Variants in MIDEAS observed in about 807,000 individuals in gnomAD.
MIDEAS encodes the protein mitotic deacetylase associated SANT domain protein, also known as mitotic deacetylase-associated SANT domain protein.
In MIDEAS, 26 loss-of-function variants were observed where a neutral mutation model predicts 102.7. The ratio of observed to expected loss-of-function variants is 0.25; its 90% CI spans 0.19 to 0.35. The LOEUF (loss-of-function observed/expected upper bound fraction) is 0.35. Among genes scored for constraint, MIDEAS ranks in the 10% least tolerant of loss-of-function variants. The pLI, the probability that MIDEAS is intolerant of heterozygous loss-of-function variation, is 1.00. For missense variants in MIDEAS, 1,231 were observed against 1,435.6 expected (o/e 0.86, Z 2.30); for synonymous variants, 585 against 591.0 (o/e 0.99, Z 0.15).
At position 73,725,261 on chromosome 14, in the gene MIDEAS, G is replaced by A. The variant is rs375694958; in HGVS notation, c.2574+11C>T. ...TGGCCCTCATTTGCCCTGAAACAGA[G>A]CCCAGCTCACCAGCTTCTGCACCAG... On this transcript the variant is annotated intron_variant, in intron 9 of 12. Transcript: ENST00000423556. This position sits in a 1 kb window ranked among gnomAD's most constrained non-coding sequence, Gnocchi z 4.1. 1,630 of 1,612,276 alleles carry A rather than the reference G, an allele frequency of 1.0e-3. No individual in the cohort carries two copies. Among genetic ancestry groups the A allele is most frequent in the Non-Finnish European group, 1.2e-3 (1,432 of 1,178,330 alleles).
At chr14:73,719,209 C>G in intron 12 of MIDEAS, 96 bp downstream of exon 12, 1 of 1,511,514 alleles carries the variant, frequency 6.6e-7, no homozygotes, top group Non-Finnish European at 8.8e-7. Flanking sequence ...AGGCGGACAC[C>G]GCCTGTACCT....
chr14:73,719,469 C>T lies in MIDEAS; in HGVS notation c.2970G>A (p.Glu990=), dbSNP rs756604241. ...ASDILILRSH[E]SNAPGSAGGQ... ...CACCGGCAGACCCAGGGGCGTTGGA[C>T]TCGTGGCTCCGGAGGATGAGGATGT... The change falls in exon 12 of 13, where the codon GAG becomes GAA. Residue 990 remains glutamate, a synonymous_variant. Transcript: ENST00000423556. 1 of 1,613,956 alleles carries T rather than the reference C, an allele frequency of 6.2e-7. No homozygotes were observed. The highest frequency in any genetic ancestry group is 8.5e-7 in the Non-Finnish European group (1 of 1,179,990).
chr14:73,782,698 G>A (rs893255091), intron 1 of MIDEAS, among the ~76,000 whole-genome samples: 5 of 152,190 alleles, frequency 3.3e-5, no homozygotes, highest in African/African-American at 1.2e-4. Context: ...AGAAGGTCAG[G>A]CCAACCCAAG....
rs1376080924 is a variant in MIDEAS, at chr14:73,718,795, G to C, written c.*48C>G. On this transcript the variant is annotated 3_prime_UTR_variant, in exon 13 of 13. Coordinates refer to ENST00000423556, the MANE Select transcript of MIDEAS (RefSeq NM_001367710.1). ...AGGGTGTCTGCGGGCGCTGGCGGCG[G>C]TGCGGGAAGGGCCGAGGCCCAGGAC... is the stretch of plus-strand genomic sequence containing the variant. The C allele has an allele frequency of 3.3e-5, 45 of 1,355,752 alleles. No individual in the cohort carries two copies. The Admixed American group carries it at 1.7e-3, about 51-fold the overall frequency. 84.0% of individuals were successfully genotyped at this position (1,355,752 alleles called of 1,614,324 possible). A position where few individuals can be genotyped will look rare whatever the true frequency, so the allele number is the denominator to read the frequency against.
In MIDEAS at chr14:73,721,351, G is replaced by A; in HGVS notation, c.2883C>T (p.Arg961=). ...CTTTGACTGCCGCTGCCCGCCTGCT[G>A]CGCTCTCGCCCCTCTTCCTGCTCCT... The part of the protein sequence containing the change: ...EKEEQEEGRE[R]SRRAAAVKAT... The change falls in exon 11 of 13, where the codon CGC becomes CGT. Residue 961 remains arginine, a synonymous_variant. Coordinates refer to ENST00000423556, the MANE Select transcript of MIDEAS (RefSeq NM_001367710.1). 2 of 1,614,044 alleles carry A rather than the reference G, an allele frequency of 1.2e-6. No homozygotes were observed. The highest frequency in any genetic ancestry group is 1.7e-6 in the Non-Finnish European group (2 of 1,180,024).
intron 1 of MIDEAS, among the ~76,000 whole-genome samples, chr14:73,770,313 T>A (rs1396717214): frequency 6.6e-6 from 1 of 152,080 alleles, no homozygotes; most frequent in Non-Finnish European, 1.5e-5. Context: ...TTCTGTTAAG[T>A]TGATCAAGAT....
Position 73,729,874 on chromosome 14 carries a change from G to A in MIDEAS, c.1861C>T (p.Pro621Ser). The A allele has an allele frequency of 4.3e-6, 7 of 1,613,612 alleles. No individual in the cohort carries two copies. Among genetic ancestry groups the A allele is most frequent in the East Asian group, 2.2e-5 (1 of 44,894 alleles). ...IPTKAGTFIA[P>S]PVYSNITPYQ... ...GGGGTGATGTTGGAGTAGACGGGAG[G>A]GGCGATGAAAGTGCCCGCCTTGGTG... The change falls in exon 4 of 13, where the codon CCT (proline) becomes TCT (serine). Residue 621 changes from proline to serine, a missense_variant. Pro to Ser is a moderately conservative substitution (Grantham distance 74). Transcript: ENST00000423556.
At chr14:73,723,108 G>A (rs1595252498) in intron 9 of MIDEAS, 1 of 315,008 alleles carries the variant, frequency 3.2e-6, no homozygotes, top group East Asian at 6.3e-5. Context: ...CTCGGGAGAT[G>A]GCAATATGGA....
Position 73,718,657 on chromosome 14 carries a change from C to A in MIDEAS, c.*186G>T. 3.7e-6 allele frequency: 2 copies of A among 541,824 alleles called. No individual in the cohort carries two copies. Among genetic ancestry groups the A allele is most frequent in the Non-Finnish European group, 5.8e-6 (2 of 347,722 alleles). 33.6% of individuals were successfully genotyped at this position (541,824 alleles called of 1,614,324 possible). On this transcript the variant is annotated 3_prime_UTR_variant, in exon 13 of 13. Transcript: ENST00000423556. Reference sequence around the variant, plus strand: ...GCAAAGAGAGCTGGATCCTGGAGCCCTTAACGCTGCTCCCAGGGCCTTCAT... The same window carrying A: ...GCAAAGAGAGCTGGATCCTGGAGCCATTAACGCTGCTCCCAGGGCCTTCAT...
rs374223068 is a variant in MIDEAS at position 73,725,437 on chromosome 14, A to C, written c.2486-77T>G. ...TGCAGGGCAATTTTGACAAGCAAAAAAGTGTGAGGCCATCCGCCCATGGTT... is the reference window on the plus strand; with the variant it reads ...TGCAGGGCAATTTTGACAAGCAAAACAGTGTGAGGCCATCCGCCCATGGTT... On this transcript the variant is annotated intron_variant, in intron 8 of 12. Coordinates refer to ENST00000423556, the MANE Select transcript of MIDEAS (RefSeq NM_001367710.1). This position sits in a 1 kb window ranked among gnomAD's most constrained non-coding sequence, Gnocchi z 4.1. The C allele has an allele frequency of 2.5e-4, 300 of 1,211,126 alleles. 1 individual carries two copies. The African/African-American group carries it at 4.0e-3, about 16-fold the overall frequency. The allele number at this position is 1,211,126 out of a possible 1,614,324, so 75.0% of individuals were successfully genotyped here.
intron 1 of MIDEAS, among the ~76,000 whole-genome samples, chr14:73,776,529 CAA>C (rs71460920): frequency 1.1e-3 from 127 of 113,180 alleles, no homozygotes; most frequent in East Asian, 2.2e-3. Context: ...GTTTAAATTA[CAA>C]AAAAAAAAAA....
chr14:73,739,483 C>T lies in MIDEAS; in HGVS notation c.526G>A (p.Asp176Asn), dbSNP rs765725846. ...KREKAGGPQL[D>N]RYVRPMMPQK... ...GGCATCATTGGTCGCACATAGCGGT[C>T]CAGCTGTGGGCCCCCCGCTTTCTCC... Residue 176 changes from aspartate to asparagine, a missense_variant, in exon 2 of 13, where the codon GAC becomes AAC. Physicochemically the swap from Asp to Asn is conservative, Grantham distance 23. Coordinates refer to ENST00000423556, the MANE Select transcript of MIDEAS (RefSeq NM_001367710.1). 20 of 1,610,888 alleles carry T rather than the reference C, an allele frequency of 1.2e-5. No homozygotes were observed. The highest frequency in any genetic ancestry group is 1.6e-5 in the Non-Finnish European group (19 of 1,178,180).
intron 1 of MIDEAS, among the ~76,000 whole-genome samples, chr14:73,779,151 C>G (rs1390425712): frequency 6.6e-6 from 1 of 151,882 alleles, no homozygotes; most frequent in East Asian, 1.9e-4. Flanking sequence ...CTTTGGGAGG[C>G]TGAGGCAGGT....
intron 1 of MIDEAS, among the ~76,000 whole-genome samples, chr14:73,767,018 C>T (rs2053597906): frequency 6.6e-6 from 1 of 151,846 alleles, no homozygotes; most frequent in African/African-American, 2.4e-5. Flanking sequence ...CCACACCCAG[C>T]TAATTTTTGT....
chr14:73,735,873 T>C (rs1280760902), intron 3 of MIDEAS, among the ~76,000 whole-genome samples: 9 of 152,206 alleles, frequency 5.9e-5, no homozygotes, highest in African/African-American at 1.7e-4. Flanking sequence ...AAAGTAAGAA[T>C]TGGCCGGGTG....
intron 1 of MIDEAS, among the ~76,000 whole-genome samples, chr14:73,772,588 T>G (rs1216905749): frequency 6.6e-6 from 1 of 151,116 alleles, no homozygotes; most frequent in Non-Finnish European, 1.5e-5. Context: ...TTTGGTTTTG[T>G]TTTTTTTTCT....
intron 1 of MIDEAS, among the ~76,000 whole-genome samples, chr14:73,748,904 C>A (rs2053386904): frequency 6.6e-6 from 1 of 152,018 alleles, no homozygotes; most frequent in South Asian, 2.1e-4. Flanking sequence ...ATGTACCTAA[C>A]AACAGAGCCC....
chr14:73,752,088 C>G (rs147247600), intron 1 of MIDEAS, among the ~76,000 whole-genome samples: 24 of 152,300 alleles, frequency 1.6e-4, no homozygotes, highest in African/African-American at 5.8e-4. Context: ...CCACATGGTG[C>G]TCTCAGAGTG....
rs2052898220 is a variant in MIDEAS at position 73,716,754 on chromosome 14, A to T, written c.*2089T>A. The T allele has an allele frequency of 6.6e-6, 1 of 152,338 alleles. No individual in the cohort carries two copies. Among genetic ancestry groups the T allele is most frequent in the African/African-American group, 2.4e-5 (1 of 41,348 alleles). The allele number at this position is 152,338 out of a possible 1,614,324, so 9.4% of individuals were successfully genotyped here. ...ATGTTACCACTGACAAAAGGGTCTC[A>T]TATGAATGATGGAGGTTTCTGTTAC... On this transcript the variant is annotated 3_prime_UTR_variant, in exon 13 of 13. Coordinates refer to ENST00000423556, the MANE Select transcript of MIDEAS (RefSeq NM_001367710.1).
Sources: gnomAD v4.1 joint callset for allele counts (sites outside exome capture counted in the v4.1 genomes callset) on GRCh38, gnomAD v4.1.1 for gene constraint, Gnocchi (gnomAD v3.1) non-coding constraint, MANE v1.5 for transcripts, NCBI Gene and HGNC (gene_info 2026-07-23, HGNC 2026-07-21) for gene names.